The following PACRG variants were observed in gnomAD, a reference collection of about 807,000 sequenced individuals.
PACRG encodes the protein parkin coregulated gene protein.
A neutral mutation model predicts 29.7 loss-of-function variants in PACRG; 29 were observed. The ratio of observed to expected loss-of-function variants is 0.98; its 90% CI spans 0.73 to 1.33. PACRG has a LOEUF of 1.33. PACRG is among the 40% of genes most tolerant of loss of function. The probability of loss-of-function intolerance (pLI) is 0.00; values close to 1 mark genes in which losing one functional copy is unlikely to be tolerated. For synonymous variants in PACRG, 116 were observed against 118.7 expected (o/e 0.98, Z 0.15); for missense variants, 279 against 316.2 (o/e 0.88, Z 0.89).
intron 1 of PACRG, among the ~76,000 whole-genome samples, chr6:162,754,614 GT>G (rs796664385): frequency 1.6e-3 from 238 of 146,788 alleles, no homozygotes; most frequent in African/African-American, 4.1e-3. Context: ...TTATAGTTAA[GT>G]TTTTTTTTTT....
intron 4 of PACRG, among the ~76,000 whole-genome samples, chr6:163,239,309 T>C (rs996468795): frequency 2.0e-5 from 3 of 152,190 alleles, no homozygotes; most frequent in Non-Finnish European, 4.4e-5. Flanking sequence ...TTCTGTGCAT[T>C]CTGTTGGCAT....
intron 4 of PACRG, among the ~76,000 whole-genome samples, chr6:163,113,401 T>C (rs535238): frequency 0.36 from 54,235 of 151,876 alleles, 10,454 homozygotes; most frequent in East Asian, 0.52. Context: ...ATCCAAGAAG[T>C]TCAACAAACT....
intron 4 of PACRG, among the ~76,000 whole-genome samples, chr6:163,247,247 G>A (rs984027827): frequency 6.6e-6 from 1 of 152,186 alleles, no homozygotes; most frequent in Non-Finnish European, 1.5e-5. Context: ...AAATGCTAGT[G>A]TAAATATGTG....
At position 162,997,282 on chromosome 6, in the gene PACRG, T is replaced by C. The variant is rs190547791; in HGVS notation, c.292-64868T>C. ...CTAAGATATGTTGTGCTGACTATAA[T>C]TGGATTGTCGGAATGCATCTGACAT... On this transcript the variant is annotated intron_variant, in intron 2 of 4. Transcript: ENST00000366888. The C allele has an allele frequency of 6.3e-5, 20 of 317,978 alleles. No individual in the cohort carries two copies. In the Middle Eastern group the frequency reaches 3.9e-3, roughly 62 times the overall value. 19.7% of individuals were successfully genotyped at this position (317,978 alleles called of 1,614,324 possible).
intron 4 of PACRG, among the ~76,000 whole-genome samples, chr6:163,257,799 G>A (rs991308334): frequency 6.6e-6 from 1 of 152,096 alleles, no homozygotes; most frequent in African/African-American, 2.4e-5. Flanking sequence ...TTATTGCCAA[G>A]GGTCTCTTGT....
chr6:162,903,596 A>G (rs749528298), intron 2 of PACRG, among the ~76,000 whole-genome samples: 1 of 152,114 alleles, frequency 6.6e-6, no homozygotes, highest in African/African-American at 2.4e-5. Context: ...CTACCACAAG[A>G]ACAGTATGGG....
At chr6:162,785,168 CAGAGAGAGAGAGAGAG>C (rs71008111) in intron 1 of PACRG, among the ~76,000 whole-genome samples, 26 of 138,020 alleles carry the variant, frequency 1.9e-4, no homozygotes, top group Non-Finnish European at 3.5e-4. Flanking sequence ...ATGAGGGAGG[CAGAGAGAGAGAGAGAG>C]AGAGAGAGAG....
At chr6:162,930,376 G>A (rs1190548125) in intron 2 of PACRG, among the ~76,000 whole-genome samples, 1 of 151,638 alleles carries the variant, frequency 6.6e-6, no homozygotes, top group Non-Finnish European at 1.5e-5. Flanking sequence ...TTACTTTCTT[G>A]ATTTCTTTTT....
chr6:162,837,789 C>A (rs545550998), intron 2 of PACRG, among the ~76,000 whole-genome samples: 38 of 152,184 alleles, frequency 2.5e-4, no homozygotes, highest in African/African-American at 9.1e-4. Flanking sequence ...ACTAGAGGGG[C>A]CTCACACAAC....
At chr6:163,091,689 T>C (rs1405063252) in intron 4 of PACRG, among the ~76,000 whole-genome samples, 4 of 152,188 alleles carry the variant, frequency 2.6e-5, no homozygotes, top group Admixed American at 6.5e-5. Context: ...AACTTAAAAC[T>C]GTTCCTTAAA....
intron 2 of PACRG, among the ~76,000 whole-genome samples, chr6:162,866,325 G>C (rs560923270): frequency 1.2e-4 from 19 of 152,190 alleles, no homozygotes; most frequent in Non-Finnish European, 2.5e-4. Context: ...CTGTGCTTCC[G>C]GTCTTTACCA....
chr6:163,171,139 A>G (rs775679680), intron 4 of PACRG, among the ~76,000 whole-genome samples: 14 of 152,374 alleles, frequency 9.2e-5, no homozygotes, highest in African/African-American at 2.2e-4. Context: ...TGCTGGCTAT[A>G]TTATGAATCC....
intron 4 of PACRG, among the ~76,000 whole-genome samples, chr6:163,203,851 T>C (rs1540922): frequency 0.33 from 50,119 of 152,112 alleles, 8,475 homozygotes; most frequent in East Asian, 0.43. Flanking sequence ...AATAGAGGTT[T>C]CTGCAAATGA....
chr6:162,750,996 A>G (rs1781470825), intron 1 of PACRG, among the ~76,000 whole-genome samples: 2 of 152,126 alleles, frequency 1.3e-5, no homozygotes, highest in African/African-American at 2.4e-5. Context: ...TGTTTGTCTA[A>G]TGACTTCATT....
At chr6:163,027,574 T>C (rs577925000) in intron 2 of PACRG, among the ~76,000 whole-genome samples, 1 of 152,184 alleles carries the variant, frequency 6.6e-6, no homozygotes, top group Non-Finnish European at 1.5e-5. Context: ...TATGGTGTTT[T>C]AGAACACCAG....
chr6:162,729,772 TG>T (rs1278418135), intron 1 of PACRG, among the ~76,000 whole-genome samples: 1 of 152,122 alleles, frequency 6.6e-6, no homozygotes, highest in Non-Finnish European at 1.5e-5. Flanking sequence ...TCATAATTCT[TG>T]TATCATATTA....
chr6:163,280,139 C>T (rs1315060325), intron 4 of PACRG, among the ~76,000 whole-genome samples: 1 of 152,248 alleles, frequency 6.6e-6, no homozygotes, highest in African/African-American at 2.4e-5. Flanking sequence ...GCTCAGTCTC[C>T]TTTCCATCCT....
chr6:162,850,853 A>T (rs762389801), intron 2 of PACRG, among the ~76,000 whole-genome samples: 2 of 152,214 alleles, frequency 1.3e-5, no homozygotes, highest in African/African-American at 2.4e-5. Context: ...GTTGGTCAGA[A>T]ATTCTGGAGG....
intron 2 of PACRG, among the ~76,000 whole-genome samples, chr6:162,848,956 G>A (rs1427441949): frequency 6.6e-6 from 1 of 152,192 alleles, no homozygotes; most frequent in African/African-American, 2.4e-5. Flanking sequence ...ACAAAGGAGA[G>A]AGCAACTTTA....
Sources: allele counts gnomAD v4.1 joint callset (sites outside exome capture counted in the v4.1 genomes callset), GRCh38; gene constraint gnomAD v4.1.1; transcripts MANE v1.5; gene names NCBI Gene and HGNC (gene_info 2026-07-23, HGNC 2026-07-21).